Variants in NRG3 observed in about 807,000 individuals in gnomAD.
The protein encoded by NRG3 is neuregulin 3.
A neutral mutation model predicts 66.9 loss-of-function variants in NRG3; 31 were observed. The observed-to-expected ratio is 0.46, with a 90% CI of 0.35 to 0.63. The LOEUF (loss-of-function observed/expected upper bound fraction) is 0.63. NRG3 is among the 20% of genes least tolerant of loss of function. The pLI is 0.00. For missense variants in NRG3, 910 were observed against 878.9 expected, an observed-to-expected ratio of 1.04 and a Z score of -0.45; for synonymous variants, 393 against 359.4, an observed-to-expected ratio of 1.09 and a Z score of -1.06.
At chr10:82,812,782 A>C (rs2061544067) in intron 3 of NRG3, among the ~76,000 whole-genome samples, 1 of 152,226 alleles carries the variant, frequency 6.6e-6, no homozygotes, top group African/African-American at 2.4e-5. Flanking sequence ...ACTAACATGT[A>C]GACATTTTCT....
chr10:82,921,982 T>G (rs1846461828), intron 4 of NRG3, among the ~76,000 whole-genome samples: 1 of 152,130 alleles, frequency 6.6e-6, no homozygotes, highest in South Asian at 2.1e-4. Context: ...TTAAAGTATT[T>G]TGTAAACTAT....
At chr10:82,487,634 A>G (rs1842788700) in intron 2 of NRG3, among the ~76,000 whole-genome samples, 1 of 152,232 alleles carries the variant, frequency 6.6e-6, no homozygotes. Context: ...TTTAGAAATG[A>G]CCAAGACTAC....
Position 82,263,497 on chromosome 10 carries a change from C to T in NRG3, c.824-95242C>T, listed in dbSNP as rs563331885. On this transcript the variant is annotated intron_variant, in intron 1 of 8. Coordinates refer to ENST00000372141, the MANE Select transcript of NRG3 (RefSeq NM_001010848.4). ...CAGTTATGCTCCTACCATTTATAAG[C>T]ATTAATTTTGCTGAACTGATATAGT... 1.2e-3 allele frequency among the ~76,000 whole-genome samples: 183 copies of T among 152,246 alleles called. 4 individuals are homozygous for T. Among genetic ancestry groups the T allele is most frequent in the Non-Finnish European group, 3.1e-4 (21 of 68,006 alleles).
intron 2 of NRG3, among the ~76,000 whole-genome samples, chr10:82,705,475 A>G (rs112783524): frequency 1.3e-5 from 2 of 152,300 alleles, no homozygotes; most frequent in African/African-American, 4.8e-5. Context: ...AGTTAAGTGA[A>G]CAGGTGCATT....
At chr10:82,957,893 C>CGTGT (rs10547101) in intron 5 of NRG3, among the ~76,000 whole-genome samples, 42,213 of 149,408 alleles carry the variant, frequency 0.28, 6,377 homozygotes, top group Middle Eastern at 0.38. Flanking sequence ...AAGAGGTGTG[C>CGTGT]GTGTGTGTGT....
intron 1 of NRG3, among the ~76,000 whole-genome samples, chr10:82,341,693 C>T (rs1171992329): frequency 2.0e-5 from 3 of 152,000 alleles, no homozygotes; most frequent in South Asian, 4.2e-4. Context: ...TTAGTGTACT[C>T]ATCACCCAAA....
chr10:82,985,154 C>T lies in NRG3; in HGVS notation c.1640C>T (p.Pro547Leu). The change falls in exon 9 of 9, where the codon CCT (proline) becomes CTT (leucine). Residue 547 changes from proline (P) to leucine (L), a missense_variant. Physicochemically the swap from Pro to Leu is moderately conservative, Grantham distance 98. Coordinates refer to ENST00000372141, the MANE Select transcript of NRG3 (RefSeq NM_001010848.4). ...AATACATCAATAAATATGCAACTGCCTTCAAGAGAGACAAACCCCTATTTT... is the reference window on the plus strand; with the variant it reads ...AATACATCAATAAATATGCAACTGCTTTCAAGAGAGACAAACCCCTATTTT... ...QRNTSINMQLPSRETNPYFNS... is the reference protein window; with the variant it reads ...QRNTSINMQLLSRETNPYFNS... 6.2e-7 allele frequency: 1 copy of T among 1,614,072 alleles called. No homozygotes were observed. The highest frequency in any genetic ancestry group is 8.5e-7 in the Non-Finnish European group (1 of 1,179,982).
At chr10:82,438,722 A>C (rs1440659874) in intron 2 of NRG3, among the ~76,000 whole-genome samples, 1 of 152,028 alleles carries the variant, frequency 6.6e-6, no homozygotes, top group Non-Finnish European at 1.5e-5. Flanking sequence ...AAAAAAGCAG[A>C]TTGCCCGGCT....
intron 1 of NRG3, among the ~76,000 whole-genome samples, chr10:82,180,059 A>G (rs1318470121): frequency 6.6e-6 from 1 of 151,786 alleles, no homozygotes; most frequent in East Asian, 1.9e-4. Context: ...TAGTGTATAA[A>G]CACAACTGAT....
At chr10:82,712,413 T>C (rs1170427267) in intron 2 of NRG3, among the ~76,000 whole-genome samples, 2 of 152,174 alleles carry the variant, frequency 1.3e-5, no homozygotes, top group African/African-American at 4.8e-5. Context: ...CATTATGTAA[T>C]AGTTACATAG....
At chr10:82,822,621 C>T (rs184952752) in intron 3 of NRG3, among the ~76,000 whole-genome samples, 1 of 152,232 alleles carries the variant, frequency 6.6e-6, no homozygotes, top group East Asian at 1.9e-4. Flanking sequence ...ATGGGAGGCA[C>T]ACACTCTGGT....
At chr10:82,537,884 T>C (rs2132714683) in intron 2 of NRG3, among the ~76,000 whole-genome samples, 1 of 152,314 alleles carries the variant, frequency 6.6e-6, no homozygotes, top group East Asian at 1.9e-4. Context: ...CCATTATTAA[T>C]AGTTATTTAA....
At chr10:82,126,928 A>G (rs1436056939) in intron 1 of NRG3, among the ~76,000 whole-genome samples, 1 of 152,112 alleles carries the variant, frequency 6.6e-6, no homozygotes, top group Non-Finnish European at 1.5e-5. Context: ...CGTAAGCTAG[A>G]CAAAGCCTTG....
intron 2 of NRG3, among the ~76,000 whole-genome samples, chr10:82,507,261 G>T (rs115709492): frequency 6.6e-6 from 1 of 152,182 alleles, no homozygotes; most frequent in South Asian, 2.1e-4. Flanking sequence ...GGTTCGCAGT[G>T]TAAAGCTCCA....
chr10:82,468,608 T>C (rs999034219), intron 2 of NRG3, among the ~76,000 whole-genome samples: 10 of 152,224 alleles, frequency 6.6e-5, no homozygotes, highest in African/African-American at 2.2e-4. Flanking sequence ...CAAAAAGACC[T>C]GACAGATTTC....
intron 2 of NRG3, among the ~76,000 whole-genome samples, chr10:82,675,310 G>A (rs1046615234): frequency 1.1e-4 from 16 of 152,076 alleles, no homozygotes; most frequent in Middle Eastern, 6.3e-3. Context: ...CTAGACAATG[G>A]TTGTTTGTTG....
At chr10:82,205,917 A>T (rs780360205) in intron 1 of NRG3, among the ~76,000 whole-genome samples, 7 of 152,096 alleles carry the variant, frequency 4.6e-5, no homozygotes, top group African/African-American at 1.7e-4. Flanking sequence ...TCAGTTCCCA[A>T]TCATTGCTTA....
chr10:82,197,420 CA>C (rs1182576554), intron 1 of NRG3, among the ~76,000 whole-genome samples: 2 of 151,968 alleles, frequency 1.3e-5, no homozygotes, highest in Non-Finnish European at 2.9e-5. Context: ...ACAACTCTCC[CA>C]AACAAAACTA....
intron 2 of NRG3, among the ~76,000 whole-genome samples, chr10:82,376,163 C>A (rs962046982): frequency 6.6e-6 from 1 of 152,124 alleles, no homozygotes; most frequent in African/African-American, 2.4e-5. Context: ...TGTCGCTGAA[C>A]GTGCGTCTGG....
Sources: allele counts gnomAD v4.1 joint callset (sites outside exome capture counted in the v4.1 genomes callset), GRCh38; gene constraint gnomAD v4.1.1; transcripts MANE v1.5; gene names NCBI Gene and HGNC (gene_info 2026-07-23, HGNC 2026-07-21).